Variants in ANKRD42 observed in about 807,000 individuals in gnomAD.
ANKRD42 encodes the protein ankyrin repeat domain-containing protein 42.
ANKRD42 carries 43 observed loss-of-function variants against 51.5 expected under a neutral mutation model. The ratio of observed to expected loss-of-function variants is 0.83; its 90% CI spans 0.65 to 1.08. The LOEUF is 1.08. Among genes scored for constraint, ANKRD42 ranks in the 50% least tolerant of loss-of-function variants. The pLI is 0.00. For synonymous variants in ANKRD42, 203 were observed against 213.0 expected, an observed-to-expected ratio of 0.95 and a Z score of 0.41; for missense variants, 608 against 629.3, an observed-to-expected ratio of 0.97 and a Z score of 0.36.
intron 11 of ANKRD42, among the ~76,000 whole-genome samples, chr11:83,255,432 T>A (rs1316190071): frequency 1.3e-5 from 2 of 152,182 alleles, no homozygotes; most frequent in Non-Finnish European, 2.9e-5. Context: ...TAGGGAATGA[T>A]TCGCAGCACT....
At position 83,213,327 on chromosome 11, in the gene ANKRD42, C is replaced by T. The variant is rs966833267; in HGVS notation, c.586+1897C>T. Reference sequence around the variant, plus strand: ...TTTCCTCCAAGAACTGCAAAGCCATCGTGGAAAGAGCTGCCCAGCTGTCCA... The same window carrying T: ...TTTCCTCCAAGAACTGCAAAGCCATTGTGGAAAGAGCTGCCCAGCTGTCCA... On this transcript the variant is annotated intron_variant, in intron 5 of 10. Transcript: ENST00000533342. 16 of 1,583,934 alleles carry T rather than the reference C, an allele frequency of 1.0e-5. No homozygotes were observed. The Admixed American group carries it at 1.2e-4, about 12-fold the overall frequency.
intron 5 of ANKRD42, among the ~76,000 whole-genome samples, chr11:83,223,155 C>T (rs1269697703): frequency 6.6e-6 from 1 of 152,162 alleles, no homozygotes; most frequent in Non-Finnish European, 1.5e-5. Context: ...GAGGCTGAGG[C>T]ACCAGAATCG....
chr11:83,263,571 C>A (rs538542518), downstream of ANKRD42, among the ~76,000 whole-genome samples: 47 of 152,318 alleles, frequency 3.1e-4, no homozygotes, highest in South Asian at 7.5e-3. Flanking sequence ...GCCACATTAT[C>A]TACATAGATT....
downstream of ANKRD42, among the ~76,000 whole-genome samples, chr11:83,256,289 A>G (rs962437630): frequency 2.6e-5 from 4 of 152,324 alleles, no homozygotes; most frequent in East Asian, 3.9e-4. Context: ...TGGTTCCACA[A>G]TAGAATTATA....
At chr11:83,225,143 G>T (rs1451492221) in intron 6 of ANKRD42, 88 bp downstream of exon 6, 4 of 1,171,248 alleles carry the variant, frequency 3.4e-6, no homozygotes, top group Non-Finnish European at 4.8e-6. Context: ...AATAGGAAAA[G>T]ATATAAGGCA....
At chr11:83,263,436 C>T (rs1864048613), downstream of ANKRD42, among the ~76,000 whole-genome samples, 1 of 152,156 alleles carries the variant, frequency 6.6e-6, no homozygotes, top group Non-Finnish European at 1.5e-5. Flanking sequence ...GCTGTTTATC[C>T]TCTATACCCT....
intron 11 of ANKRD42, among the ~76,000 whole-genome samples, chr11:83,254,797 T>G (rs1448033022): frequency 6.6e-6 from 1 of 152,228 alleles, no homozygotes; most frequent in Admixed American, 6.5e-5. Context: ...TTGTATCATA[T>G]GCTAAGTCCC....
At chr11:83,209,719 G>T in intron 3 of ANKRD42, 1 of 692,972 alleles carries the variant, frequency 1.4e-6, no homozygotes, top group Non-Finnish European at 2.7e-6. Context: ...ATTTTTTGTT[G>T]CCTTCTTGTT....
At chr11:83,216,379 A>T (rs1862531391) in intron 5 of ANKRD42, among the ~76,000 whole-genome samples, 1 of 149,978 alleles carries the variant, frequency 6.7e-6, no homozygotes, top group Non-Finnish European at 1.5e-5. Flanking sequence ...GCTGGAGTGC[A>T]GTGGCGCAAT....
chr11:83,263,202 G>T (rs1864035269), downstream of ANKRD42, among the ~76,000 whole-genome samples: 1 of 152,112 alleles, frequency 6.6e-6, no homozygotes, highest in Non-Finnish European at 1.5e-5. Flanking sequence ...CTATCTAAGT[G>T]GTTACATCCT....
At chr11:83,204,867 T>C (rs1862009621) in intron 2 of ANKRD42, among the ~76,000 whole-genome samples, 1 of 152,144 alleles carries the variant, frequency 6.6e-6, no homozygotes, top group African/African-American at 2.4e-5. Context: ...GTTGACACTT[T>C]CTCAAAGAGT....
At chr11:83,199,447 A>G (rs867395564) in intron 2 of ANKRD42, among the ~76,000 whole-genome samples, 1 of 152,174 alleles carries the variant, frequency 6.6e-6, no homozygotes, top group Non-Finnish European at 1.5e-5. Flanking sequence ...CCATATGGTT[A>G]CATATATGTA....
intron 8 of ANKRD42, among the ~76,000 whole-genome samples, chr11:83,238,777 C>T (rs1193964003): frequency 6.6e-6 from 1 of 151,736 alleles, no homozygotes; most frequent in Non-Finnish European, 1.5e-5. Flanking sequence ...TTGCTGTGAG[C>T]CGAGATTGTA....
intron 2 of ANKRD42, among the ~76,000 whole-genome samples, chr11:83,202,231 A>G (rs12283593): frequency 0.021 from 3,217 of 152,266 alleles, 91 homozygotes; most frequent in African/African-American, 0.072. Flanking sequence ...TTTTCCCAGC[A>G]CCATTTATTA....
chr11:83,230,938 A>G (rs1289207134), intron 7 of ANKRD42, among the ~76,000 whole-genome samples: 1 of 152,118 alleles, frequency 6.6e-6, no homozygotes, highest in Non-Finnish European at 1.5e-5. Flanking sequence ...TATGTACCAC[A>G]TTTTCTTTAC....
At chr11:83,236,121 AT>A (rs1196607043) in intron 7 of ANKRD42, among the ~76,000 whole-genome samples, 1 of 152,206 alleles carries the variant, frequency 6.6e-6, no homozygotes, top group African/African-American at 2.4e-5. Context: ...TAGCTGTGTG[AT>A]TTTAAATAAA....
chr11:83,213,352 A>G lies in ANKRD42; in HGVS notation c.586+1922A>G, dbSNP rs571348429. The G allele has an allele frequency of 3.0e-5, 47 of 1,579,994 alleles. 2 individuals carry two copies. The African/African-American group carries it at 3.2e-4, about 11-fold the overall frequency. On this transcript the variant is annotated intron_variant, in intron 5 of 10. Transcript: ENST00000533342. ...CGTGGAAAGAGCTGCCCAGCTGTCC[A>G]TCGGAGTCACACCAACCCCAACGCC...
chr11:83,198,856 T>C (rs1220730607), intron 2 of ANKRD42, among the ~76,000 whole-genome samples: 1 of 152,222 alleles, frequency 6.6e-6, no homozygotes. Context: ...TTTATACTCA[T>C]GAACAAACCC....
rs139661650 is a variant in ANKRD42 at position 83,210,087 on chromosome 11, A to G, written c.331-213A>G. On this transcript the variant is annotated intron_variant, in intron 3 of 10. Transcript: ENST00000533342. ...TCTGTTCATGTTAAAAGCCTTGATT[A>G]GAGAGGAAGTTTTTGTAATCTAAAA... is the stretch of plus-strand genomic sequence containing the variant. 1.2e-3 allele frequency: 540 copies of G among 447,400 alleles called. 2 individuals carry two copies. The highest frequency in any genetic ancestry group is 8.3e-3 in the South Asian group (232 of 27,918). The allele number at this position is 447,400 out of a possible 1,614,324, so 27.7% of individuals were successfully genotyped here. A position where few individuals can be genotyped will look rare whatever the true frequency, so the allele number is the denominator to read the frequency against.
Sources: allele counts gnomAD v4.1 joint callset (sites outside exome capture counted in the v4.1 genomes callset), GRCh38; gene constraint gnomAD v4.1.1; transcripts MANE v1.5; gene names NCBI Gene and HGNC (gene_info 2026-07-23, HGNC 2026-07-21).